Variants in GALNTL6 observed in about 807,000 individuals in gnomAD.
The protein encoded by GALNTL6 is polypeptide N-acetylgalactosaminyltransferase-like 6.
A neutral mutation model predicts 73.7 loss-of-function variants in GALNTL6; 46 were observed. That is an observed-to-expected ratio of 0.62 (90% CI 0.49 to 0.80). GALNTL6 has a LOEUF of 0.80. Among genes scored for constraint, GALNTL6 ranks in the 30% least tolerant of loss-of-function variants. The pLI is 0.00. For missense variants in GALNTL6, 604 were observed against 755.0 expected (o/e 0.80, Z 2.34); for synonymous variants, 259 against 263.7 (o/e 0.98, Z 0.17).
intron 2 of GALNTL6, among the ~76,000 whole-genome samples, chr4:171,908,226 A>C (rs2110956897): frequency 6.6e-6 from 1 of 152,040 alleles, no homozygotes; most frequent in South Asian, 2.1e-4. Context: ...AAATGGGAGA[A>C]AATTTTCACA....
At chr4:172,290,163 G>A (rs1739413278) in intron 3 of GALNTL6, among the ~76,000 whole-genome samples, 1 of 151,174 alleles carries the variant, frequency 6.6e-6, no homozygotes, top group Non-Finnish European at 1.5e-5. Context: ...TGCTTTAACT[G>A]AAGAGAGTAA....
chr4:172,502,126 A>G lies in GALNTL6; in HGVS notation c.553+153437A>G, dbSNP rs1336495780. Among the ~76,000 whole-genome samples, 4 of 152,186 alleles carry G rather than the reference A, an allele frequency of 2.6e-5. No individual in the cohort carries two copies. In the South Asian group the frequency reaches 6.2e-4, roughly 24 times the overall value. ...ATACATACTCCTTCCAGCTATTTAC[A>G]CTATCGACTTGGTAAAACTATTTGT... On this transcript the variant is annotated intron_variant, in intron 5 of 12. Coordinates refer to ENST00000506823, the MANE Select transcript of GALNTL6 (RefSeq NM_001034845.3).
rs74218672 is a variant in GALNTL6 at position 172,546,798 on chromosome 4, G to GTATATATATACGTGTA, written c.553+198117_553+198118insTACGTGTATATATATA. The stretch of plus-strand genomic sequence containing the variant: ...TCAACTCCGCTTTATATATATATAC[G>GTATATATATACGTGTA]TATATATACGTATATATATACGTAT... On this transcript the variant is annotated intron_variant, in intron 5 of 12. Transcript: ENST00000506823. 1.9e-4 allele frequency among the ~76,000 whole-genome samples: 3 copies of GTATATATATACGTGTA among 15,460 alleles called. 1 individual carries two copies. Among genetic ancestry groups the GTATATATATACGTGTA allele is most frequent in the Non-Finnish European group, 4.2e-4 (3 of 7,136 alleles). The allele number at this position is 15,460 out of a possible 152,430, so 10.1% of individuals were successfully genotyped here.
chr4:171,921,071 T>C (rs1335832682), intron 2 of GALNTL6, among the ~76,000 whole-genome samples: 1 of 152,100 alleles, frequency 6.6e-6, no homozygotes, highest in Non-Finnish European at 1.5e-5. Context: ...TTAGAAATAA[T>C]AGGATACCAA....
intron 7 of GALNTL6, among the ~76,000 whole-genome samples, chr4:172,836,340 C>T (rs1475768378): frequency 6.6e-6 from 1 of 152,214 alleles, no homozygotes; most frequent in African/African-American, 2.4e-5. Flanking sequence ...GCTTTCACTT[C>T]CCTTTCACAT....
intron 2 of GALNTL6, among the ~76,000 whole-genome samples, chr4:172,053,277 T>G (rs1730929038): frequency 1.3e-5 from 2 of 151,624 alleles, no homozygotes. Context: ...AGACATGGTG[T>G]TTTTTTAAAA....
intron 2 of GALNTL6, among the ~76,000 whole-genome samples, chr4:172,143,039 T>G (rs1454240268): frequency 6.6e-6 from 1 of 151,932 alleles, no homozygotes; most frequent in East Asian, 1.9e-4. Flanking sequence ...ATAATGTCAA[T>G]TCATTTAACA....
intron 7 of GALNTL6, among the ~76,000 whole-genome samples, chr4:172,828,143 G>A (rs371976331): frequency 6.6e-6 from 1 of 151,716 alleles, no homozygotes; most frequent in Non-Finnish European, 1.5e-5. Context: ...ATAGTGGCAG[G>A]CACCTGTAAT....
At position 171,972,917 on chromosome 4, in the gene GALNTL6, T is replaced by A. The variant is rs199620595; in HGVS notation, c.138+158199T>A. Among the ~76,000 whole-genome samples, 38 of 152,300 alleles carry A rather than the reference T, an allele frequency of 2.5e-4. No homozygotes were observed. The East Asian group carries it at 7.1e-3, about 29-fold the overall frequency. Reference sequence around the variant, plus strand: ...ATTACTAAATACAACAGAATAATAGTATAATCGAATTTCTTCTTAAAAAGG... The same window carrying A: ...ATTACTAAATACAACAGAATAATAGAATAATCGAATTTCTTCTTAAAAAGG... On this transcript the variant is annotated intron_variant, in intron 2 of 12. Transcript: ENST00000506823.
intron 11 of GALNTL6, among the ~76,000 whole-genome samples, chr4:173,014,035 C>T (rs762183334): frequency 2.2e-5 from 3 of 138,698 alleles, no homozygotes; most frequent in Non-Finnish European, 4.9e-5. Flanking sequence ...TTGAAATAAT[C>T]CGTTTTTTTC....
chr4:172,755,674 C>T (rs1454820961), intron 5 of GALNTL6, among the ~76,000 whole-genome samples: 1 of 152,180 alleles, frequency 6.6e-6, no homozygotes, highest in Admixed American at 6.5e-5. Context: ...AAATTAAAAA[C>T]AGATACAACA....
chr4:172,629,368 T>A (rs1172717099), intron 5 of GALNTL6, among the ~76,000 whole-genome samples: 2 of 152,202 alleles, frequency 1.3e-5, no homozygotes, highest in Non-Finnish European at 2.9e-5. Flanking sequence ...TTTGTTAGTC[T>A]TATAATGCTT....
Position 172,813,593 on chromosome 4 carries a change from G to A in GALNTL6, c.793G>A (p.Asp265Asn). Residue 265 changes from aspartate (D) to asparagine (N), a missense_variant, in exon 7 of 13, where the codon GAC (aspartate) becomes AAC (asparagine). Physicochemically the swap from Asp to Asn is conservative, Grantham distance 23. Coordinates refer to ENST00000506823, the MANE Select transcript of GALNTL6 (RefSeq NM_001034845.3). ...TIVCPMIDVI[D>N]HNHFGYEAQA... ...CGTGTGTCCCATGATCGATGTCATT[G>A]ACCACAATCACTTCGGGTATGAGGC... The A allele has an allele frequency of 1.2e-6, 2 of 1,612,864 alleles. No homozygotes were observed. The highest frequency in any genetic ancestry group is 1.7e-4 in the Middle Eastern group (1 of 6,058).
intron 2 of GALNTL6, among the ~76,000 whole-genome samples, chr4:172,135,329 T>C (rs1733607187): frequency 6.6e-6 from 1 of 152,102 alleles, no homozygotes; most frequent in Non-Finnish European, 1.5e-5. Context: ...TCCCCAGCCC[T>C]GGATGCTGTA....
chr4:172,188,147 A>C (rs551375640), intron 2 of GALNTL6, among the ~76,000 whole-genome samples: 2 of 152,310 alleles, frequency 1.3e-5, no homozygotes, highest in East Asian at 3.9e-4. Context: ...GTATATGCCT[A>C]TTATGTGTCA....
At chr4:172,547,828 C>G (rs338033) in intron 5 of GALNTL6, among the ~76,000 whole-genome samples, 16,326 of 152,178 alleles carry the variant, frequency 0.11, 992 homozygotes, top group East Asian at 0.23. Flanking sequence ...GTGTTTAAGC[C>G]AGCTGCCCAC....
chr4:172,034,151 A>C (rs919337092), intron 2 of GALNTL6, among the ~76,000 whole-genome samples: 4 of 152,062 alleles, frequency 2.6e-5, no homozygotes, highest in Admixed American at 1.3e-4. Context: ...TTTATTCTAT[A>C]TGTAATGTAA....
At chr4:172,052,921 G>C (rs1034764518) in intron 2 of GALNTL6, among the ~76,000 whole-genome samples, 1 of 152,040 alleles carries the variant, frequency 6.6e-6, no homozygotes, top group Non-Finnish European at 1.5e-5. Context: ...AGTTATACTT[G>C]CCCTTTCTCT....
rs180973134 is a variant in GALNTL6 at position 172,431,723 on chromosome 4, C to A, written c.553+83034C>A. Reference sequence around the variant, plus strand: ...TTAAAATTTGTAGTATCAATACAAACATATGCTCATAAATAACTGATTAGT... The same window carrying A: ...TTAAAATTTGTAGTATCAATACAAAAATATGCTCATAAATAACTGATTAGT... On this transcript the variant is annotated intron_variant, in intron 5 of 12. Coordinates refer to ENST00000506823, the MANE Select transcript of GALNTL6 (RefSeq NM_001034845.3). Among the ~76,000 whole-genome samples, 11 of 152,178 alleles carry A rather than the reference C, an allele frequency of 7.2e-5. No homozygotes were observed. In the East Asian group the frequency reaches 2.1e-3, roughly 29 times the overall value.
Sources: gnomAD v4.1 joint callset for allele counts (sites outside exome capture counted in the v4.1 genomes callset) on GRCh38, gnomAD v4.1.1 for gene constraint, MANE v1.5 for transcripts, NCBI Gene and HGNC (gene_info 2026-07-23, HGNC 2026-07-21) for gene names.